MKNK1: variants seen among roughly 807,000 people sequenced by gnomAD.
MKNK1 encodes the protein MAPK interacting serine/threonine kinase 1, also known as MAP kinase-interacting serine/threonine-protein kinase 1.
A neutral mutation model predicts 49.3 loss-of-function variants in MKNK1; 30 were observed. The ratio of observed to expected loss-of-function variants is 0.61; its 90% CI spans 0.46 to 0.83. MKNK1 has a LOEUF of 0.83. Ranked by LOEUF, MKNK1 falls within the 40% of genes least tolerant of loss-of-function variation. The pLI is 0.00. For synonymous variants in MKNK1, 176 were observed against 201.7 expected, an observed-to-expected ratio of 0.87 and a Z score of 1.08; for missense variants, 423 against 524.7, an observed-to-expected ratio of 0.81 and a Z score of 1.89.
intron 4 of MKNK1, among the ~76,000 whole-genome samples, chr1:46,577,851 G>A (rs1671206098): frequency 6.6e-6 from 1 of 152,268 alleles, no homozygotes; most frequent in African/African-American, 2.4e-5. Flanking sequence ...GAGCCTGTGA[G>A]CAAATCTGCA....
At chr1:46,593,968 C>T (rs1291917621) in intron 2 of MKNK1, 145 bp downstream of exon 2, 15 of 620,230 alleles carry the variant, frequency 2.4e-5, no homozygotes, top group Non-Finnish European at 3.8e-5. Flanking sequence ...TTATCTGAGT[C>T]GTACCAGGGC....
At chr1:46,583,744 G>A (rs1484369250) in intron 2 of MKNK1, among the ~76,000 whole-genome samples, 3 of 152,138 alleles carry the variant, frequency 2.0e-5, no homozygotes, top group Admixed American at 1.3e-4. Flanking sequence ...AAGGGGGTTG[G>A]GAGTGGGGGA....
chr1:46,588,752 G>A (rs1043708130), intron 2 of MKNK1, among the ~76,000 whole-genome samples: 1 of 149,950 alleles, frequency 6.7e-6, no homozygotes, highest in Non-Finnish European at 1.5e-5. Flanking sequence ...AGCCTGCAGT[G>A]AGCCGAGATC....
intron 8 of MKNK1, 172 bp from the exon 9 acceptor site, chr1:46,565,308 A>C (rs962014413): frequency 2.0e-5 from 13 of 634,276 alleles, no homozygotes; most frequent in Admixed American, 5.5e-5. Flanking sequence ...ATTTCTTCCC[A>C]AGTGTCTTAT....
chr1:46,576,527 T>C (rs1250180629), intron 5 of MKNK1, 48 bp downstream of exon 5: 1 of 1,493,372 alleles, frequency 6.7e-7, no homozygotes, highest in East Asian at 2.3e-5. Flanking sequence ...TCCTCTTCTG[T>C]GGCCAAGCGT....
At chr1:46,581,049 C>T (rs987421367) in intron 3 of MKNK1, among the ~76,000 whole-genome samples, 1 of 151,880 alleles carries the variant, frequency 6.6e-6, no homozygotes, top group Non-Finnish European at 1.5e-5. Flanking sequence ...TAGCAAGACC[C>T]CATCTCTAAA....
At chr1:46,582,477 A>G (rs1201990924) in intron 3 of MKNK1, among the ~76,000 whole-genome samples, 1 of 152,204 alleles carries the variant, frequency 6.6e-6, no homozygotes, top group African/African-American at 2.4e-5. Flanking sequence ...AGAACAGCCA[A>G]TTCACTAGTG....
intron 7 of MKNK1, chr1:46,570,321 C>G (rs1669878429): frequency 6.6e-6 from 1 of 152,214 alleles, no homozygotes; most frequent in Non-Finnish European, 1.5e-5. Flanking sequence ...GCTTGGGGAG[C>G]AGTTGTAAAT....
chr1:46,586,824 CTTTTT>C (rs1672641008), intron 2 of MKNK1, among the ~76,000 whole-genome samples: 2 of 152,062 alleles, frequency 1.3e-5, no homozygotes, highest in African/African-American at 4.8e-5. Flanking sequence ...CTTTTCTTTT[CTTTTT>C]GAGATGGAGT....
At chr1:46,597,760 G>C (rs952559843) in intron 1 of MKNK1, among the ~76,000 whole-genome samples, 1 of 152,178 alleles carries the variant, frequency 6.6e-6, no homozygotes, top group African/African-American at 2.4e-5. Flanking sequence ...CTCTGGTATG[G>C]GGCAACCACT....
chr1:46,581,044 A>T (rs1213146989), intron 3 of MKNK1, among the ~76,000 whole-genome samples: 3 of 152,168 alleles, frequency 2.0e-5, no homozygotes, highest in African/African-American at 7.2e-5. Context: ...CAACATAGCA[A>T]GACCCCATCT....
intron 2 of MKNK1, among the ~76,000 whole-genome samples, chr1:46,583,717 CGA>C (rs760020104): frequency 5.9e-5 from 9 of 152,056 alleles, no homozygotes; most frequent in Non-Finnish European, 8.8e-5. Flanking sequence ...AAGGCAAAAC[CGA>C]GAGAGCTAGG....
chr1:46,593,911 T>G, intron 2 of MKNK1: 1 of 453,286 alleles, frequency 2.2e-6, no homozygotes, highest in Non-Finnish European at 4.0e-6. Flanking sequence ...GTTTTCCTTA[T>G]GACCCTTCCA....
At chr1:46,563,031 T>C (rs1668321390) in intron 9 of MKNK1, 188 bp from the exon 10 acceptor site, 1 of 554,270 alleles carries the variant, frequency 1.8e-6, no homozygotes, top group Admixed American at 3.7e-5. Flanking sequence ...CTGAGCTCCA[T>C]CATTTTCCAT....
intron 1 of MKNK1, among the ~76,000 whole-genome samples, chr1:46,601,248 T>C (rs1674699345): frequency 6.6e-6 from 1 of 152,164 alleles, no homozygotes. Flanking sequence ...CCTTTCCCCA[T>C]CTATAAAATG....
intron 6 of MKNK1, chr1:46,574,349 G>C (rs890363875): frequency 1.3e-5 from 2 of 152,212 alleles, no homozygotes; most frequent in African/African-American, 4.8e-5. Flanking sequence ...AAGCCCCTCC[G>C]TGTGGCCCTC....
At chr1:46,562,451 C>T (rs1346764214) in intron 10 of MKNK1, among the ~76,000 whole-genome samples, 198 bp downstream of exon 10, 3 of 151,336 alleles carry the variant, frequency 2.0e-5, no homozygotes, top group East Asian at 1.9e-4. Flanking sequence ...TTCTAACAAT[C>T]CTGCCCTGAA....
intron 7 of MKNK1, chr1:46,571,452 G>T: frequency 2.9e-6 from 1 of 340,358 alleles, no homozygotes; most frequent in Non-Finnish European, 5.7e-6. Flanking sequence ...TGAGGTGGGA[G>T]GATCACTGGA....
intron 4 of MKNK1, among the ~76,000 whole-genome samples, chr1:46,576,862 T>C (rs202116830): frequency 6.6e-6 from 1 of 152,318 alleles, no homozygotes; most frequent in East Asian, 1.9e-4. Context: ...GCTGAGCCCA[T>C]TCCACTCTGG....
Sources: allele counts gnomAD v4.1 joint callset (sites outside exome capture counted in the v4.1 genomes callset), GRCh38; gene constraint gnomAD v4.1.1; transcripts MANE v1.5; gene names NCBI Gene and HGNC (gene_info 2026-07-23, HGNC 2026-07-21).